The following THSD7A variants were observed in gnomAD, a reference collection of about 807,000 sequenced individuals.
THSD7A encodes thrombospondin type 1 domain containing 7A.
Under a neutral mutation model 231.3 loss-of-function variants are expected in THSD7A, and 96 were observed. The observed-to-expected ratio is 0.41, with a 90% CI of 0.35 to 0.49. The LOEUF (loss-of-function observed/expected upper bound fraction) is 0.49. Among genes scored for constraint, THSD7A ranks in the 20% least tolerant of loss-of-function variants. The pLI, the probability that THSD7A is intolerant of heterozygous loss-of-function variation, is 0.05. For synonymous variants in THSD7A, 940 were observed against 743.3 expected, an observed-to-expected ratio of 1.26 and a Z score of -4.30; for missense variants, 2,290 against 2,070.2, an observed-to-expected ratio of 1.11 and a Z score of -2.06.
chr7:11,766,107 G>C (rs1237643966), intron 1 of THSD7A, among the ~76,000 whole-genome samples: 1 of 152,138 alleles, frequency 6.6e-6, no homozygotes, highest in Non-Finnish European at 1.5e-5. Context: ...TTTAAAAGCT[G>C]TTTGAAGTCT....
chr7:11,571,960 ATTT>A (rs915124635), intron 4 of THSD7A, among the ~76,000 whole-genome samples: 1 of 147,064 alleles, frequency 6.8e-6, no homozygotes, highest in Non-Finnish European at 1.5e-5. Flanking sequence ...TGAATTTGAG[ATTT>A]TTTTTTTGGC....
chr7:11,693,760 C>T (rs1780305303), intron 1 of THSD7A, among the ~76,000 whole-genome samples: 1 of 151,452 alleles, frequency 6.6e-6, no homozygotes, highest in Non-Finnish European at 1.5e-5. Context: ...GTGCACAGGA[C>T]CTGGCATGCA....
intron 4 of THSD7A, among the ~76,000 whole-genome samples, chr7:11,547,325 C>T (rs1789442343): frequency 1.3e-5 from 2 of 152,124 alleles, no homozygotes; most frequent in South Asian, 4.1e-4. Flanking sequence ...TATAAATAGG[C>T]TAAACACTCC....
chr7:11,462,253 T>A, intron 9 of THSD7A, 110 bp from the exon 10 acceptor site: 1 of 1,219,498 alleles, frequency 8.2e-7, no homozygotes, highest in Non-Finnish European at 1.1e-6. Flanking sequence ...TGCTTTGACA[T>A]CCCTGAGAGG....
intron 2 of THSD7A, among the ~76,000 whole-genome samples, chr7:11,635,583 C>T (rs896127334): frequency 6.6e-6 from 1 of 152,050 alleles, no homozygotes; most frequent in African/African-American, 2.4e-5. Context: ...CTCTACTTAC[C>T]TTATTTTTGG....
rs972144929 is a variant in THSD7A at position 11,637,810 on chromosome 7, A to G, written c.191-849T>C. On this transcript the variant is annotated intron_variant, in intron 1 of 27. Coordinates refer to ENST00000423059, the MANE Select transcript of THSD7A (RefSeq NM_015204.3). The surrounding 1 kb of genome is among the most constrained non-coding windows in gnomAD (Gnocchi z 4.2). ...TTTTTTCTGTGAAATCCTTCTTAGA[A>G]TAAACTTTATATTCACATATATTAT... 1.3e-5 allele frequency among the ~76,000 whole-genome samples: 2 copies of G among 152,186 alleles called. No homozygotes were observed. Among genetic ancestry groups the G allele is most frequent in the Admixed American group, 6.5e-5 (1 of 15,280 alleles).
At chr7:11,656,035 T>C (rs1782691222) in intron 1 of THSD7A, among the ~76,000 whole-genome samples, 1 of 151,890 alleles carries the variant, frequency 6.6e-6, no homozygotes, top group African/African-American at 2.4e-5. Context: ...CCTTCACTGA[T>C]ACAGGTTCTT....
intron 4 of THSD7A, among the ~76,000 whole-genome samples, chr7:11,567,879 T>C (rs540065392): frequency 8.0e-4 from 122 of 152,286 alleles, no homozygotes; most frequent in African/African-American, 2.8e-3. Flanking sequence ...AGCTCTTCCT[T>C]TACTTAAAAA....
At chr7:11,629,614 A>G (rs1040101843) in intron 2 of THSD7A, among the ~76,000 whole-genome samples, 1 of 152,134 alleles carries the variant, frequency 6.6e-6, no homozygotes, top group African/African-American at 2.4e-5. Flanking sequence ...TGATTCACAA[A>G]GTCGTAGCGT....
intron 4 of THSD7A, among the ~76,000 whole-genome samples, chr7:11,559,293 G>A (rs1288714251): frequency 6.6e-6 from 1 of 152,136 alleles, no homozygotes; most frequent in Non-Finnish European, 1.5e-5. Flanking sequence ...TGTATGATAA[G>A]GTGTGAAGTT....
chr7:11,650,734 G>T (rs958578639), intron 1 of THSD7A, among the ~76,000 whole-genome samples: 11 of 152,050 alleles, frequency 7.2e-5, no homozygotes, highest in African/African-American at 2.7e-4. Context: ...GTGAGCGAAG[G>T]CAGAGGTGGA....
At chr7:11,574,535 C>T (rs908118088) in intron 4 of THSD7A, among the ~76,000 whole-genome samples, 10 of 151,272 alleles carry the variant, frequency 6.6e-5, no homozygotes, top group Non-Finnish European at 1.0e-4. Context: ...CCCGGGTTCA[C>T]GCCATTCTGC....
intron 4 of THSD7A, among the ~76,000 whole-genome samples, chr7:11,556,329 CTATA>C (rs35115342): frequency 6.7e-6 from 1 of 150,150 alleles, no homozygotes; most frequent in African/African-American, 2.4e-5. Flanking sequence ...ACAAGATATA[CTATA>C]TATATATATC....
intron 20 of THSD7A, 51 bp downstream of exon 20, chr7:11,407,255 A>C: frequency 1.3e-6 from 2 of 1,508,306 alleles, no homozygotes; most frequent in Non-Finnish European, 1.8e-6. Context: ...GGGATATTTT[A>C]TTTCATATTC....
At chr7:11,720,405 G>A (rs1166255275) in intron 1 of THSD7A, among the ~76,000 whole-genome samples, 1 of 151,644 alleles carries the variant, frequency 6.6e-6, no homozygotes, top group Non-Finnish European at 1.5e-5. Flanking sequence ...TTCCATCTCT[G>A]TTTTCTCAGG....
intron 3 of THSD7A, 147 bp downstream of exon 3, chr7:11,593,107 G>GT: frequency 9.3e-7 from 1 of 1,078,104 alleles, no homozygotes; most frequent in East Asian, 2.6e-5. Flanking sequence ...CTTTTATTCT[G>GT]TAAAAAAAGT....
chr7:11,784,561 T>C (rs983449225), intron 1 of THSD7A, among the ~76,000 whole-genome samples: 4 of 152,024 alleles, frequency 2.6e-5, no homozygotes, highest in African/African-American at 7.2e-5. Flanking sequence ...AATTTACCCA[T>C]TGGATTCATA....
chr7:11,638,705 GGGAT>G (rs1219092244), intron 1 of THSD7A, among the ~76,000 whole-genome samples: 1 of 152,026 alleles, frequency 6.6e-6, no homozygotes, highest in African/African-American at 2.4e-5. Context: ...ATTCTTATAA[GGGAT>G]ATAAAATACT....
chr7:11,621,380 C>T (rs1053042021), intron 2 of THSD7A, among the ~76,000 whole-genome samples: 1 of 152,060 alleles, frequency 6.6e-6, no homozygotes, highest in African/African-American at 2.4e-5. Flanking sequence ...TACTTTCTAC[C>T]TTTTGCTTTC....
Sources: gnomAD v4.1 joint callset for allele counts (sites outside exome capture counted in the v4.1 genomes callset) on GRCh38, gnomAD v4.1.1 for gene constraint, Gnocchi (gnomAD v3.1) non-coding constraint, MANE v1.5 for transcripts, NCBI Gene and HGNC (gene_info 2026-07-23, HGNC 2026-07-21) for gene names.